Variants in AP2A1 observed in about 807,000 individuals in gnomAD.
AP2A1 encodes the protein AP-2 complex subunit alpha-1.
A neutral mutation model predicts 107.3 loss-of-function variants in AP2A1; 21 were observed. The observed-to-expected ratio is 0.20, with a 90% confidence interval of 0.14 to 0.28. The LOEUF (loss-of-function observed/expected upper bound fraction) is 0.28, where lower values mean the gene tolerates loss of function less well. Ranked by LOEUF, AP2A1 falls within the 10% of genes least tolerant of loss-of-function variation. AP2A1 has a pLI of 1.00. For missense variants in AP2A1, 873 were observed against 1,307.7 expected (o/e 0.67, Z 5.13); for synonymous variants, 602 against 564.8 (o/e 1.07, Z -0.93).
At chr19:49,805,428 G>T in intron 18 of AP2A1, 25 bp from the exon 19 acceptor site, 1 of 1,520,626 alleles carries the variant, frequency 6.6e-7, no homozygotes, top group Non-Finnish European at 8.9e-7. Context: ...TCCTCTGTCT[G>T]GCTTCCTTGA....
Position 49,806,771 on chromosome 19 carries a change from G to T in AP2A1, c.*13G>T. ...ACAGCAGTTCTGAGCCCTGGACTCT[G>T]CCCCGGGGGATGTGGCCGGCACTGG... On this transcript the variant is annotated 3_prime_UTR_variant, in exon 23 of 23. Transcript: ENST00000354293. The T allele has an allele frequency of 6.2e-7, 1 of 1,613,678 alleles. No homozygotes were observed. The highest frequency in any genetic ancestry group is 8.5e-7 in the Non-Finnish European group (1 of 1,179,862).
chr19:49,772,204 C>T (rs1271788696), intron 1 of AP2A1, among the ~76,000 whole-genome samples: 1 of 149,630 alleles, frequency 6.7e-6, no homozygotes, highest in Non-Finnish European at 1.5e-5. Context: ...ACTATAGGCA[C>T]ATGCCATCAT....
chr19:49,793,080 G>A lies in AP2A1; in HGVS notation c.693G>A (p.Ser231=), dbSNP rs773593292. The A allele has an allele frequency of 1.4e-5, 22 of 1,605,542 alleles. No individual in the cohort carries two copies. The highest frequency in any genetic ancestry group is 2.7e-5 in the African/African-American group (2 of 74,784). ...DFKTCVSLAV[S]RLSRIVSSAS... ...AGACGTGCGTCTCTCTGGCTGTGTC[G>A]CGCCTGAGCCGGGTGGGTGTGGCCT... Residue 231 remains serine (S), a synonymous_variant, in exon 6 of 23, where the codon TCG becomes TCA. Coordinates refer to ENST00000354293, the MANE Select transcript of AP2A1 (RefSeq NM_130787.3).
rs982165838 is a variant in AP2A1 at position 49,799,757 on chromosome 19, C to T, written c.1263C>T (p.Arg421=). 5.0e-6 allele frequency: 8 copies of T among 1,613,082 alleles called. No individual in the cohort carries two copies. The highest frequency in any genetic ancestry group is 6.8e-6 in the Non-Finnish European group (8 of 1,179,768). The change falls in exon 10 of 23, where the codon CGC becomes CGT. Residue 421 remains arginine (R), a synonymous_variant. Transcript: ENST00000354293. The part of the protein sequence containing the change: ...RYLETADYAI[R]EEIVLKVAIL... ...TGGAGACGGCAGACTACGCCATCCG[C>T]GAGGAGATCGTGAGTGCTGTGGGGT... is the stretch of plus-strand genomic sequence containing the variant.
rs190893646 is a variant in AP2A1 at position 49,793,346 on chromosome 19, G to A, written c.705+254G>A. Among the ~76,000 whole-genome samples the A allele has an allele frequency of 2.9e-4, 44 of 152,312 alleles. 1 individual carries two copies. The South Asian group carries it at 5.8e-3, about 20-fold the overall frequency. On this transcript the variant is annotated intron_variant, in intron 6 of 22. Transcript: ENST00000354293. Reference sequence around the variant, plus strand: ...CGGTGCCCACCTGGAGGCACAGAGCGCTGTGGATAGAGTGCTCAGAACAGG... The same window carrying A: ...CGGTGCCCACCTGGAGGCACAGAGCACTGTGGATAGAGTGCTCAGAACAGG...
At chr19:49,779,754 C>G (rs927224296) in intron 1 of AP2A1, among the ~76,000 whole-genome samples, 43 of 152,186 alleles carry the variant, frequency 2.8e-4, no homozygotes, top group Admixed American at 2.6e-3. Flanking sequence ...CATTTTTTCT[C>G]CACACTGTCT....
chr19:49,771,708 C>T (rs2084559957), intron 1 of AP2A1, among the ~76,000 whole-genome samples: 1 of 152,098 alleles, frequency 6.6e-6, no homozygotes, highest in African/African-American at 2.4e-5. Flanking sequence ...CGCGCCTGGC[C>T]GTATCTCGAT....
rs559729319 is a variant in AP2A1, at chr19:49,805,958, G to A, written c.2655+17G>A. The A allele has an allele frequency of 1.9e-6, 3 of 1,613,694 alleles. No individual in the cohort carries two copies. The South Asian group carries it at 3.3e-5, about 18-fold the overall frequency. ...AAGGCCAAGGTGAGAGACCGCGGGC[G>A]TGTTTGCCGGCCTATGGCTGCTTTG... On this transcript the variant is annotated intron_variant, in intron 21 of 22. Transcript: ENST00000354293.
chr19:49,769,719 T>C (rs117687707), intron 1 of AP2A1, among the ~76,000 whole-genome samples: 243 of 152,138 alleles, frequency 1.6e-3, no homozygotes, highest in Non-Finnish European at 2.8e-3. Context: ...ATGTGACCGA[T>C]TGATGTTTTA....
intron 1 of AP2A1, among the ~76,000 whole-genome samples, chr19:49,777,548 TGGCGTGAACCTG>T (rs1217084837): frequency 6.7e-6 from 1 of 148,474 alleles, no homozygotes; most frequent in East Asian, 2.0e-4. Flanking sequence ...GGCAGGAGAA[TGGCGTGAACCTG>T]GGAGGCAGAG....
chr19:49,784,783 G>C (rs1242400446), intron 4 of AP2A1, among the ~76,000 whole-genome samples: 1 of 151,946 alleles, frequency 6.6e-6, no homozygotes, highest in African/African-American at 2.4e-5. Context: ...CAGGAGGATT[G>C]CTTGAGCCTG....
chr19:49,787,354 GTT>G (rs1175245045), intron 4 of AP2A1, among the ~76,000 whole-genome samples: 5 of 94,484 alleles, frequency 5.3e-5, no homozygotes, highest in Non-Finnish European at 8.2e-5. Flanking sequence ...TTTGTTTTTT[GTT>G]TTTTTTTTTT....
In AP2A1 at chr19:49,795,734, T is replaced by A; in HGVS notation, c.810T>A (p.Pro270=). 1 of 1,551,620 alleles carries A rather than the reference T, an allele frequency of 6.4e-7. No homozygotes were observed. Among genetic ancestry groups the A allele is most frequent in the Non-Finnish European group, 8.7e-7 (1 of 1,147,962 alleles). Reference sequence around the variant, plus strand: ...TGCGGCTGCTGCAGTGCTACCCGCCTCCAGGTAATGAACGCCGTGCACTCC... The same window carrying A: ...TGCGGCTGCTGCAGTGCTACCCGCCACCAGGTAATGAACGCCGTGCACTCC... ...KLLRLLQCYP[P]PEDAAVKGRL... Residue 270 remains proline, a synonymous_variant, in exon 7 of 23, where the codon CCT becomes CCA. Transcript: ENST00000354293.
intron 7 of AP2A1, chr19:49,795,999 T>C: frequency 2.1e-6 from 1 of 485,844 alleles, no homozygotes. Context: ...CCAGCCCTGT[T>C]GCGAGGGACT....
In AP2A1 at chr19:49,767,078, G is replaced by A; in HGVS notation, c.-56G>A. 1 of 1,565,142 alleles carries A rather than the reference G, an allele frequency of 6.4e-7. No homozygotes were observed. The highest frequency in any genetic ancestry group is 1.4e-5 in the African/African-American group (1 of 72,280). ...CTTTCCGCCCGGTCCCCGCTTGCCA[G>A]CCCCCGCTGCTCTGTGCCCTGTCCG... is the stretch of plus-strand genomic sequence containing the variant. On this transcript the variant is annotated 5_prime_UTR_variant, in exon 1 of 23. Coordinates refer to ENST00000354293, the MANE Select transcript of AP2A1 (RefSeq NM_130787.3).
In AP2A1 at chr19:49,792,912, C is replaced by T. The variant is rs1005189496; in HGVS notation, c.604-79C>T. On this transcript the variant is annotated intron_variant, in intron 5 of 22. Coordinates refer to ENST00000354293, the MANE Select transcript of AP2A1 (RefSeq NM_130787.3). ...CTTCCCGACTGCACACACATCCCGACCCTGTCCCGCTCCTGAGCCTCTGCT... is the reference window on the plus strand; with the variant it reads ...CTTCCCGACTGCACACACATCCCGATCCTGTCCCGCTCCTGAGCCTCTGCT... The T allele has an allele frequency of 7.2e-6, 9 of 1,257,262 alleles. No individual in the cohort carries two copies. The Admixed American group carries it at 9.9e-5, about 14-fold the overall frequency. 77.9% of individuals were successfully genotyped at this position (1,257,262 alleles called of 1,614,324 possible).
At chr19:49,793,167 C>T in intron 6 of AP2A1, 75 bp downstream of exon 6, 1 of 1,348,616 alleles carries the variant, frequency 7.4e-7, no homozygotes, top group South Asian at 1.3e-5. Context: ...CTCAGGCCCC[C>T]ACTCTCCCTG....
rs2073097688 is a variant in AP2A1 at position 49,788,231 on chromosome 19, G to A, written c.474-3704G>A. Among the ~76,000 whole-genome samples, 1 of 152,240 alleles carries A rather than the reference G, an allele frequency of 6.6e-6. No homozygotes were observed. Among genetic ancestry groups the A allele is most frequent in the African/African-American group, 2.4e-5 (1 of 41,464 alleles). The stretch of plus-strand genomic sequence containing the variant: ...CCCAAAGTGCTGAGATTACAGGCGT[G>A]AGCCACCGCGCCTGACTTGTGGTTT... On this transcript the variant is annotated intron_variant, in intron 4 of 22. Coordinates refer to ENST00000354293, the MANE Select transcript of AP2A1 (RefSeq NM_130787.3). This position sits in a 1 kb window ranked among gnomAD's most constrained non-coding sequence, Gnocchi z 4.5.
At chr19:49,802,721 G>A (rs2073305515) in intron 15 of AP2A1, 3 of 1,134,596 alleles carry the variant, frequency 2.6e-6, no homozygotes, top group Non-Finnish European at 3.7e-6. Flanking sequence ...GCAGGGACTT[G>A]GAGGAAAGGG....
Sources: allele counts gnomAD v4.1 joint callset (sites outside exome capture counted in the v4.1 genomes callset), GRCh38; gene constraint gnomAD v4.1.1; non-coding constraint Gnocchi (gnomAD v3.1); transcripts MANE v1.5; gene names NCBI Gene and HGNC (gene_info 2026-07-23, HGNC 2026-07-21).